Variants in NRG4 observed in about 807,000 individuals in gnomAD.
NRG4 encodes pro-neuregulin-4, membrane-bound isoform.
A neutral mutation model predicts 15.0 loss-of-function variants in NRG4; 10 were observed. The observed-to-expected ratio is 0.67, with a 90% confidence interval of 0.41 to 1.13. The LOEUF is 1.13. NRG4 is among the 50% of genes most tolerant of loss of function. The probability of loss-of-function intolerance (pLI) is 0.00; values close to 1 mark genes in which losing one functional copy is unlikely to be tolerated. For missense variants in NRG4, 139 were observed against 140.2 expected (o/e 0.99, Z 0.04); for synonymous variants, 41 against 50.1 (o/e 0.82, Z 0.77).
intron 3 of NRG4, among the ~76,000 whole-genome samples, chr15:75,968,105 G>A (rs1300422900): frequency 6.6e-6 from 1 of 152,180 alleles, no homozygotes; most frequent in Admixed American, 6.5e-5. Flanking sequence ...CTTTTCCAAT[G>A]GAGACTTTTT....
At chr15:75,987,961 C>T (rs2033858853) in intron 3 of NRG4, among the ~76,000 whole-genome samples, 1 of 152,076 alleles carries the variant, frequency 6.6e-6, no homozygotes, top group African/African-American at 2.4e-5. Flanking sequence ...GTTTGAAGAG[C>T]CATGGCAATA....
intron 4 of NRG4, among the ~76,000 whole-genome samples, chr15:76,048,602 A>C (rs2035928852): frequency 6.6e-6 from 1 of 151,068 alleles, no homozygotes; most frequent in Non-Finnish European, 1.5e-5. Context: ...GTCTCTACAA[A>C]GTGCTATAGC....
At chr15:76,041,158 C>T (rs1172155090) in intron 4 of NRG4, among the ~76,000 whole-genome samples, 1 of 151,646 alleles carries the variant, frequency 6.6e-6, no homozygotes, top group East Asian at 1.9e-4. Context: ...AAAAAACATA[C>T]AACAGATACA....
intron 4 of NRG4, among the ~76,000 whole-genome samples, chr15:76,048,862 T>C (rs894029940): frequency 3.3e-5 from 5 of 150,420 alleles, no homozygotes; most frequent in Non-Finnish European, 7.4e-5. Flanking sequence ...CTGGCCAACA[T>C]AGTAAAACCC....
chr15:75,966,193 A>G (rs2032785818), intron 3 of NRG4, among the ~76,000 whole-genome samples: 1 of 152,246 alleles, frequency 6.6e-6, no homozygotes, highest in Admixed American at 6.5e-5. Context: ...GTGGCATTCA[A>G]GGAAGTTGTT....
intron 3 of NRG4, among the ~76,000 whole-genome samples, chr15:75,983,591 C>T (rs2405578): frequency 0.06 from 9,158 of 152,020 alleles, 564 homozygotes; most frequent in African/African-American, 0.17. Context: ...TATGATTATA[C>T]ATCTTGAAAA....
At chr15:75,955,147 T>A (rs1237566552) in intron 5 of NRG4, among the ~76,000 whole-genome samples, 1 of 152,186 alleles carries the variant, frequency 6.6e-6, no homozygotes, top group Non-Finnish European at 1.5e-5. Context: ...AGTACTCAGC[T>A]GAATACTTGA....
chr15:75,956,086 GTTTT>G, intron 4 of NRG4, 75 bp from the exon 5 acceptor site: 1 of 486,724 alleles, frequency 2.1e-6, no homozygotes, highest in Non-Finnish European at 3.7e-6. Context: ...TAGAAAGAAA[GTTTT>G]TTTTTTTTAA....
intron 4 of NRG4, among the ~76,000 whole-genome samples, chr15:75,960,424 G>A (rs1248653655): frequency 6.6e-6 from 1 of 152,216 alleles, no homozygotes; most frequent in African/African-American, 2.4e-5. Flanking sequence ...TCATGATTCT[G>A]TGGGTTGACA....
intron 3 of NRG4, among the ~76,000 whole-genome samples, chr15:75,967,276 C>T (rs964534817): frequency 5.3e-5 from 8 of 151,894 alleles, no homozygotes; most frequent in African/African-American, 1.9e-4. Flanking sequence ...AATGTAACTT[C>T]ATTAAAGCCT....
chr15:75,969,207 C>T (rs1486156042), intron 3 of NRG4: 2 of 456,084 alleles, frequency 4.4e-6, no homozygotes, highest in Non-Finnish European at 8.8e-6. Context: ...CAAAGAGAAG[C>T]CAGCATCAGT....
upstream of NRG4, among the ~76,000 whole-genome samples, chr15:76,013,261 A>G (rs2034873835): frequency 6.6e-6 from 1 of 152,146 alleles, no homozygotes; most frequent in Non-Finnish European, 1.5e-5. Flanking sequence ...CGGGAGGCGG[A>G]GCTTGCAGTG....
chr15:76,038,361 T>C (rs1400930941), intron 4 of NRG4, among the ~76,000 whole-genome samples: 1 of 152,202 alleles, frequency 6.6e-6, no homozygotes, highest in Non-Finnish European at 1.5e-5. Context: ...GGACATGGCC[T>C]GGGCCAGAGG....
intron 3 of NRG4, among the ~76,000 whole-genome samples, chr15:75,985,121 C>T (rs914019556): frequency 6.6e-5 from 10 of 151,912 alleles, no homozygotes; most frequent in Non-Finnish European, 1.3e-4. Flanking sequence ...CTGGGATTAC[C>T]GGCATGAGCC....
chr15:75,999,067 G>A (rs963184346), intron 3 of NRG4, among the ~76,000 whole-genome samples: 4 of 152,124 alleles, frequency 2.6e-5, no homozygotes, highest in African/African-American at 7.2e-5. Context: ...AAAGGAAAAC[G>A]GAGTCCAGTA....
At chr15:76,047,006 G>T (rs1371467540) in intron 4 of NRG4, among the ~76,000 whole-genome samples, 2 of 150,744 alleles carry the variant, frequency 1.3e-5, no homozygotes, top group Admixed American at 6.6e-5. Context: ...CAAAAGACTT[G>T]AACAGACATT....
intron 5 of NRG4, among the ~76,000 whole-genome samples, chr15:76,028,441 G>A (rs1393741424): frequency 6.6e-6 from 1 of 152,058 alleles, no homozygotes; most frequent in African/African-American, 2.4e-5. Context: ...GAACCAAGAA[G>A]AAATGGAAAA....
At chr15:76,005,855 A>G (rs1281524609) in intron 3 of NRG4, 1 of 390,948 alleles carries the variant, frequency 2.6e-6, no homozygotes, top group Non-Finnish European at 5.0e-6. Flanking sequence ...AACATAACAC[A>G]AAGTATATCT....
At chr15:76,045,786 G>T (rs922894647) in intron 4 of NRG4, among the ~76,000 whole-genome samples, 4 of 150,762 alleles carry the variant, frequency 2.7e-5, no homozygotes, top group African/African-American at 9.9e-5. Context: ...TGGGAAGGGT[G>T]GAGCAGGGGG....
Sources: gnomAD v4.1 joint callset for allele counts (sites outside exome capture counted in the v4.1 genomes callset) on GRCh38, gnomAD v4.1.1 for gene constraint, MANE v1.5 for transcripts, NCBI Gene and HGNC (gene_info 2026-07-23, HGNC 2026-07-21) for gene names.